Variants in SPAG16 observed in about 807,000 individuals in gnomAD.
SPAG16 encodes sperm-associated antigen 16 protein.
SPAG16 carries 86 observed loss-of-function variants against 80.4 expected under a neutral mutation model. The ratio of observed to expected loss-of-function variants is 1.07; its 90% CI spans 0.90 to 1.28. The LOEUF (loss-of-function observed/expected upper bound fraction) is 1.28. Ranked by LOEUF, SPAG16 falls within the 50% of genes most tolerant of loss-of-function variation. The pLI, the probability that SPAG16 is intolerant of heterozygous loss-of-function variation, is 0.00. For missense variants in SPAG16, 870 were observed against 765.3 expected (o/e 1.14, Z -1.61); for synonymous variants, 294 against 265.9 (o/e 1.11, Z -1.03).
At chr2:213,425,845 G>T (rs2069880787) in intron 9 of SPAG16, among the ~76,000 whole-genome samples, 1 of 152,016 alleles carries the variant, frequency 6.6e-6, no homozygotes, top group Admixed American at 6.6e-5. Context: ...GTTAAAAGTG[G>T]TGGCATTCAT....
intron 15 of SPAG16, among the ~76,000 whole-genome samples, chr2:214,322,908 T>C (rs1409010207): frequency 1.3e-5 from 2 of 152,142 alleles, no homozygotes; most frequent in African/African-American, 4.8e-5. Context: ...CCTAGTTTTG[T>C]TTCAAACTCA....
At chr2:213,755,251 A>T (rs748266626) in intron 10 of SPAG16, among the ~76,000 whole-genome samples, 1 of 152,238 alleles carries the variant, frequency 6.6e-6, no homozygotes, top group Non-Finnish European at 1.5e-5. Flanking sequence ...GTTTAGAGAA[A>T]TAAGTGAAAG....
chr2:213,821,645 T>C (rs2072942897), intron 10 of SPAG16, among the ~76,000 whole-genome samples: 2 of 152,154 alleles, frequency 1.3e-5, no homozygotes, highest in African/African-American at 4.8e-5. Flanking sequence ...AAATATGAAA[T>C]CCTATTCTTT....
chr2:213,647,971 G>A (rs1046653419), intron 10 of SPAG16, among the ~76,000 whole-genome samples: 2 of 152,138 alleles, frequency 1.3e-5, no homozygotes, highest in African/African-American at 4.8e-5. Context: ...TAGCCAGGAT[G>A]TTTAAAATTT....
intron 9 of SPAG16, among the ~76,000 whole-genome samples, chr2:213,471,564 A>G (rs775820805): frequency 1.3e-5 from 2 of 152,198 alleles, no homozygotes; most frequent in African/African-American, 2.4e-5. Context: ...CCAAAATTTT[A>G]GAGGCCTCTG....
At chr2:214,287,637 A>T (rs1559183685) in intron 15 of SPAG16, among the ~76,000 whole-genome samples, 1 of 152,352 alleles carries the variant, frequency 6.6e-6, no homozygotes, top group East Asian at 1.9e-4. Flanking sequence ...TCTATCAATC[A>T]TTACAATTGA....
chr2:213,768,511 T>C (rs557413274), intron 10 of SPAG16, among the ~76,000 whole-genome samples: 1 of 152,258 alleles, frequency 6.6e-6, no homozygotes, highest in South Asian at 2.1e-4. Context: ...TCTTTAGAAT[T>C]TAATATTTAC....
At chr2:213,993,391 A>G (rs2046371428) in intron 12 of SPAG16, among the ~76,000 whole-genome samples, 1 of 152,206 alleles carries the variant, frequency 6.6e-6, no homozygotes, top group Non-Finnish European at 1.5e-5. Context: ...GACTGCTGTC[A>G]ATATATCATT....
chr2:214,240,401 T>A (rs1689379432), intron 15 of SPAG16: 1 of 152,236 alleles, frequency 6.6e-6, no homozygotes, highest in African/African-American at 2.4e-5. Flanking sequence ...TGTCCTTTCA[T>A]CATTGTGTTC....
intron 12 of SPAG16, among the ~76,000 whole-genome samples, chr2:213,974,964 A>AAAC (rs1479884791): frequency 6.8e-6 from 1 of 147,590 alleles, no homozygotes; most frequent in African/African-American, 2.6e-5. Context: ...AAAAAAAAAA[A>AAAC]ACACAAAATG....
chr2:213,806,644 G>C (rs2071786246), intron 10 of SPAG16, among the ~76,000 whole-genome samples: 2 of 152,102 alleles, frequency 1.3e-5, no homozygotes, highest in Admixed American at 6.5e-5. Flanking sequence ...CCTAAAGGTA[G>C]TCATTGGACT....
intron 10 of SPAG16, among the ~76,000 whole-genome samples, chr2:213,786,913 C>G (rs1575135029): frequency 1.3e-5 from 2 of 151,926 alleles, no homozygotes; most frequent in East Asian, 3.9e-4. Context: ...TAAAACAATT[C>G]TAATAATTTC....
At chr2:214,259,745 T>C (rs1690997605) in intron 15 of SPAG16, among the ~76,000 whole-genome samples, 5 of 152,134 alleles carry the variant, frequency 3.3e-5, no homozygotes. Context: ...TAAATTTGGT[T>C]GTTTTAATAG....
At chr2:213,805,418 C>G (rs2071705095) in intron 10 of SPAG16, among the ~76,000 whole-genome samples, 1 of 152,172 alleles carries the variant, frequency 6.6e-6, no homozygotes, top group South Asian at 2.1e-4. Flanking sequence ...GCGGTGAAAA[C>G]ATGGCAACTG....
chr2:213,706,202 A>G (rs1052969097), intron 10 of SPAG16, among the ~76,000 whole-genome samples: 1 of 152,188 alleles, frequency 6.6e-6, no homozygotes, highest in Non-Finnish European at 1.5e-5. Flanking sequence ...TACCAGGGCT[A>G]TCTGTTAGAG....
intron 10 of SPAG16, among the ~76,000 whole-genome samples, chr2:213,693,139 A>G (rs918428886): frequency 6.6e-5 from 10 of 152,256 alleles, no homozygotes; most frequent in Non-Finnish European, 1.5e-5. Context: ...TGAATTTCAT[A>G]TTAATTCTTT....
At chr2:214,268,711 A>C (rs772225290) in intron 15 of SPAG16, among the ~76,000 whole-genome samples, 8 of 151,620 alleles carry the variant, frequency 5.3e-5, no homozygotes, top group Non-Finnish European at 3.0e-5. Context: ...GTATGGCTTA[A>C]TGAATATAAC....
chr2:213,816,938 G>A (rs920799292), intron 10 of SPAG16, among the ~76,000 whole-genome samples: 1 of 151,886 alleles, frequency 6.6e-6, no homozygotes, highest in East Asian at 1.9e-4. Context: ...AGAAGAATCA[G>A]TAGTCAAACT....
intron 4 of SPAG16, 137 bp downstream of exon 4, chr2:213,310,314 A>C: frequency 2.2e-6 from 1 of 450,846 alleles, no homozygotes; most frequent in Non-Finnish European, 4.0e-6. Context: ...CAGCCCTGAA[A>C]CCACAACACA....
Sources: allele counts gnomAD v4.1 joint callset (sites outside exome capture counted in the v4.1 genomes callset), GRCh38; gene constraint gnomAD v4.1.1; transcripts MANE v1.5; gene names NCBI Gene and HGNC (gene_info 2026-07-23, HGNC 2026-07-21).